Variants in CDK19 observed in about 807,000 individuals in gnomAD.
CDK19 encodes cyclin dependent kinase 19, also known as cyclin-dependent kinase 19.
Under a neutral mutation model 68.3 loss-of-function variants are expected in CDK19, and 20 were observed. That is an observed-to-expected ratio of 0.29 (90% CI 0.21 to 0.43). CDK19 has a LOEUF of 0.43. Ranked by LOEUF, CDK19 falls within the 20% of genes least tolerant of loss-of-function variation. CDK19 has a pLI of 1.00. For synonymous variants in CDK19, 221 were observed against 222.8 expected (o/e 0.99, Z 0.07); for missense variants, 339 against 623.5 (o/e 0.54, Z 4.86).
At chr6:110,708,285 T>C (rs1272128100) in intron 2 of CDK19, among the ~76,000 whole-genome samples, 2 of 152,162 alleles carry the variant, frequency 1.3e-5, no homozygotes, top group African/African-American at 2.4e-5. Context: ...CTGTTGAATC[T>C]TGGGGCATGG....
chr6:110,617,353 G>A (rs913470813), intron 12 of CDK19, among the ~76,000 whole-genome samples: 34 of 152,154 alleles, frequency 2.2e-4, no homozygotes, highest in African/African-American at 7.7e-4. Context: ...AGGAATGCAC[G>A]CTTAGAGAGA....
intron 1 of CDK19, among the ~76,000 whole-genome samples, chr6:110,779,668 C>A (rs951185773): frequency 7.9e-5 from 12 of 152,182 alleles, no homozygotes; most frequent in South Asian, 2.1e-4. Flanking sequence ...GTAATCCCAG[C>A]ACTTTGGAAG....
chr6:110,769,574 A>ATAAT (rs1562273683), intron 1 of CDK19, among the ~76,000 whole-genome samples: 1 of 146,494 alleles, frequency 6.8e-6, no homozygotes, highest in African/African-American at 2.7e-5. Flanking sequence ...CAAAAAAAAA[A>ATAAT]AAAAATAATA....
intron 5 of CDK19, among the ~76,000 whole-genome samples, chr6:110,634,713 A>G (rs1290242164): frequency 6.6e-6 from 1 of 152,258 alleles, no homozygotes; most frequent in Non-Finnish European, 1.5e-5. Flanking sequence ...ATTATTCTAC[A>G]ATATTACACA....
At chr6:110,761,542 A>C (rs765459252) in intron 1 of CDK19, among the ~76,000 whole-genome samples, 2 of 152,176 alleles carry the variant, frequency 1.3e-5, no homozygotes, top group Admixed American at 6.5e-5. Flanking sequence ...GCAAGTTTTA[A>C]ATAAGTTGAG....
At chr6:110,763,503 C>A (rs1255258759) in intron 1 of CDK19, among the ~76,000 whole-genome samples, 1 of 150,650 alleles carries the variant, frequency 6.6e-6, no homozygotes, top group Middle Eastern at 3.2e-3. Flanking sequence ...GCAGCCTCCG[C>A]CTCCCAGGTT....
At chr6:110,711,079 T>C (rs1400563827) in intron 2 of CDK19, among the ~76,000 whole-genome samples, 1 of 152,104 alleles carries the variant, frequency 6.6e-6, no homozygotes, top group Admixed American at 6.6e-5. Context: ...AATGAGTTAT[T>C]TTATGGAGAA....
intron 2 of CDK19, among the ~76,000 whole-genome samples, chr6:110,695,180 T>C (rs1230363277): frequency 6.6e-6 from 1 of 151,618 alleles, no homozygotes; most frequent in Non-Finnish European, 1.5e-5. Context: ...AGAAAGGAAA[T>C]TGGAAATTAA....
intron 1 of CDK19, chr6:110,814,665 C>A (rs886775026): frequency 1.6e-5 from 8 of 512,676 alleles, no homozygotes; most frequent in African/African-American, 9.6e-5. Context: ...GCTCTGCCTG[C>A]CCGCTGCGTT....
At chr6:110,739,561 C>T (rs1267869413) in intron 2 of CDK19, among the ~76,000 whole-genome samples, 1 of 152,062 alleles carries the variant, frequency 6.6e-6, no homozygotes, top group Non-Finnish European at 1.5e-5. Context: ...CCACTCTTCA[C>T]TTCATTTGGA....
chr6:110,738,420 T>TGAG (rs905571660), intron 2 of CDK19, among the ~76,000 whole-genome samples: 6 of 151,462 alleles, frequency 4.0e-5, no homozygotes, highest in Non-Finnish European at 8.8e-5. Context: ...CTCAGGAGAC[T>TGAG]GAGGCAGGAA....
chr6:110,776,569 T>C (rs766433152), intron 1 of CDK19, among the ~76,000 whole-genome samples: 2 of 152,348 alleles, frequency 1.3e-5, no homozygotes, highest in Non-Finnish European at 2.9e-5. Context: ...GAAAGCTAAA[T>C]GGCAGCCAGA....
chr6:110,742,136 G>A (rs9487504), intron 2 of CDK19, among the ~76,000 whole-genome samples: 103 of 152,142 alleles, frequency 6.8e-4, no homozygotes, highest in Admixed American at 6.2e-3. Flanking sequence ...AGGAGGGACC[G>A]GCTGGAGCCG....
intron 1 of CDK19, among the ~76,000 whole-genome samples, chr6:110,767,708 G>A (rs1000549411): frequency 2.6e-5 from 4 of 151,914 alleles, no homozygotes; most frequent in Non-Finnish European, 5.9e-5. Context: ...AAATGTTTGA[G>A]GTGATGAATA....
chr6:110,635,457 T>C (rs978460053), intron 5 of CDK19, among the ~76,000 whole-genome samples: 2 of 152,210 alleles, frequency 1.3e-5, no homozygotes, highest in African/African-American at 4.8e-5. Flanking sequence ...GGGAAGTTTT[T>C]AGGTTGCTGA....
chr6:110,715,658 G>T (rs891796380), intron 2 of CDK19, among the ~76,000 whole-genome samples: 1 of 152,116 alleles, frequency 6.6e-6, no homozygotes, highest in Non-Finnish European at 1.5e-5. Flanking sequence ...GCTAACTTTT[G>T]TATTTTTAGT....
chr6:110,660,034 G>A (rs1339811782), intron 4 of CDK19, among the ~76,000 whole-genome samples: 23 of 152,152 alleles, frequency 1.5e-4, no homozygotes, highest in Non-Finnish European at 1.5e-5. Flanking sequence ...CAGGGTCTAT[G>A]TTATGCAAAT....
At chr6:110,657,220 C>A (rs1448269596) in intron 4 of CDK19, among the ~76,000 whole-genome samples, 1 of 152,160 alleles carries the variant, frequency 6.6e-6, no homozygotes, top group African/African-American at 2.4e-5. Flanking sequence ...CACTCCAAGC[C>A]AGAGTTGTGA....
chr6:110,752,757 A>C (rs1040925669), intron 1 of CDK19, among the ~76,000 whole-genome samples: 1 of 151,732 alleles, frequency 6.6e-6, no homozygotes, highest in African/African-American at 2.4e-5. Flanking sequence ...GTATGGAGAC[A>C]GGGTCTCACT....
Sources: gnomAD v4.1 joint callset for allele counts (sites outside exome capture counted in the v4.1 genomes callset) on GRCh38, gnomAD v4.1.1 for gene constraint, MANE v1.5 for transcripts, NCBI Gene and HGNC (gene_info 2026-07-23, HGNC 2026-07-21) for gene names.